The following C1orf21 variants were observed in gnomAD, a reference collection of about 807,000 sequenced individuals.
C1orf21 encodes chromosome 1 open reading frame 21, also known as uncharacterized protein C1orf21.
A neutral mutation model predicts 18.7 loss-of-function variants in C1orf21; 3 were observed. The ratio of observed to expected loss-of-function variants is 0.16; its 90% CI spans 0.07 to 0.42. The LOEUF (loss-of-function observed/expected upper bound fraction) is 0.42, where lower values mean the gene tolerates loss of function less well. C1orf21 is among the 10% of genes least tolerant of loss of function. The pLI is 0.99. For missense variants in C1orf21, 104 were observed against 143.6 expected, an observed-to-expected ratio of 0.72 and a Z score of 1.41; for synonymous variants, 41 against 46.4, an observed-to-expected ratio of 0.88 and a Z score of 0.47.
chr1:184,559,833 G>T (rs1337368775), intron 3 of C1orf21, among the ~76,000 whole-genome samples: 2 of 151,954 alleles, frequency 1.3e-5, no homozygotes, highest in Admixed American at 1.3e-4. Context: ...GCCCAGGCTG[G>T]TCTCTAACTC....
At chr1:184,431,357 A>C (rs960845045) in intron 1 of C1orf21, among the ~76,000 whole-genome samples, 1 of 152,222 alleles carries the variant, frequency 6.6e-6, no homozygotes, top group Admixed American at 6.5e-5. Flanking sequence ...TGATAAAAAC[A>C]GGCAATGAGG....
At chr1:184,477,051 A>G (rs964650985) in intron 1 of C1orf21, among the ~76,000 whole-genome samples, 3 of 152,186 alleles carry the variant, frequency 2.0e-5, no homozygotes, top group Non-Finnish European at 4.4e-5. Flanking sequence ...TCAGAACATT[A>G]GTAAACTTAC....
chr1:184,410,635 A>T lies in C1orf21; in HGVS notation c.-125+23267A>T, dbSNP rs1334998972. ...ATATATATTATATATATATATATAT[A>T]TATATATATATATATATATATATAT... On this transcript the variant is annotated intron_variant, in intron 1 of 5. Coordinates refer to ENST00000235307, the MANE Select transcript of C1orf21 (RefSeq NM_030806.4). Among the ~76,000 whole-genome samples the T allele has an allele frequency of 6.1e-4, 2 of 3,296 alleles. 1 individual carries two copies. Among genetic ancestry groups the T allele is most frequent in the African/African-American group, 0.017 (2 of 120 alleles). 2.2% of individuals were successfully genotyped at this position (3,296 alleles called of 152,430 possible). A position where few individuals can be genotyped will look rare whatever the true frequency, so the allele number is the denominator to read the frequency against.
At chr1:184,600,390 C>A (rs1383535735) in intron 5 of C1orf21, among the ~76,000 whole-genome samples, 1 of 152,194 alleles carries the variant, frequency 6.6e-6, no homozygotes, top group African/African-American at 2.4e-5. Context: ...TGGTCTCGAA[C>A]TCCTGACATC....
At chr1:184,496,113 G>C (rs1657890375) in intron 2 of C1orf21, among the ~76,000 whole-genome samples, 1 of 151,960 alleles carries the variant, frequency 6.6e-6, no homozygotes, top group African/African-American at 2.4e-5. Flanking sequence ...GTAGAAAAGG[G>C]GGCAGGTAAC....
At chr1:184,583,942 G>A (rs1047137341) in intron 3 of C1orf21, among the ~76,000 whole-genome samples, 16 of 152,056 alleles carry the variant, frequency 1.1e-4, no homozygotes, top group Non-Finnish European at 1.9e-4. Flanking sequence ...TAGTTGCTTC[G>A]TCTGTCATCT....
intron 3 of C1orf21, among the ~76,000 whole-genome samples, chr1:184,575,699 A>T (rs991743123): frequency 6.6e-6 from 1 of 151,932 alleles, no homozygotes; most frequent in Non-Finnish European, 1.5e-5. Flanking sequence ...GTATACTAAT[A>T]GAAAAAAAAT....
chr1:184,403,342 A>G (rs748428042), intron 1 of C1orf21, among the ~76,000 whole-genome samples: 7 of 152,256 alleles, frequency 4.6e-5, no homozygotes, highest in Non-Finnish European at 8.8e-5. Flanking sequence ...GAAGACTAAT[A>G]CAATATGATT....
At chr1:184,478,597 C>T (rs1657607902) in intron 2 of C1orf21, among the ~76,000 whole-genome samples, 1 of 152,310 alleles carries the variant, frequency 6.6e-6, no homozygotes, top group East Asian at 1.9e-4. Flanking sequence ...GAACTGCTAA[C>T]GCTTCCCCGG....
chr1:184,603,007 C>G (rs1659604965), intron 5 of C1orf21, among the ~76,000 whole-genome samples: 1 of 152,150 alleles, frequency 6.6e-6, no homozygotes, highest in Non-Finnish European at 1.5e-5. Context: ...TTTTTGGAGT[C>G]TTACAAAAGT....
chr1:184,563,748 C>G (rs1030831632), intron 3 of C1orf21, among the ~76,000 whole-genome samples: 1 of 152,076 alleles, frequency 6.6e-6, no homozygotes, highest in Non-Finnish European at 1.5e-5. Context: ...TTGGCTGGTT[C>G]GAGGAGATTT....
intron 4 of C1orf21, among the ~76,000 whole-genome samples, chr1:184,592,581 A>G (rs913007601): frequency 2.0e-5 from 3 of 152,168 alleles, no homozygotes; most frequent in Non-Finnish European, 4.4e-5. Flanking sequence ...AATGGAGACA[A>G]ATTTCCTGAG....
chr1:184,410,780 T>C (rs1399293212), intron 1 of C1orf21, among the ~76,000 whole-genome samples: 3 of 123,172 alleles, frequency 2.4e-5, no homozygotes, highest in African/African-American at 1.3e-4. Flanking sequence ...TTCTCCTGCC[T>C]CAGCCTCCCT....
At chr1:184,403,480 G>T (rs974665662) in intron 1 of C1orf21, among the ~76,000 whole-genome samples, 1 of 152,176 alleles carries the variant, frequency 6.6e-6, no homozygotes, top group Non-Finnish European at 1.5e-5. Context: ...ATTACTTCTG[G>T]GGTGAAGGGT....
chr1:184,499,634 A>G (rs181512559), intron 2 of C1orf21, among the ~76,000 whole-genome samples: 103 of 152,162 alleles, frequency 6.8e-4, no homozygotes, highest in Admixed American at 5.8e-3. Flanking sequence ...TTCCTACATC[A>G]TCTCCTGAAA....
chr1:184,562,287 A>G (rs1202062744), intron 3 of C1orf21, among the ~76,000 whole-genome samples: 3 of 152,218 alleles, frequency 2.0e-5, no homozygotes, highest in Non-Finnish European at 4.4e-5. Flanking sequence ...AGTAATTTTC[A>G]AAGAGTAAAT....
chr1:184,414,785 A>G (rs1335649775), intron 1 of C1orf21, among the ~76,000 whole-genome samples: 2 of 152,082 alleles, frequency 1.3e-5, no homozygotes, highest in African/African-American at 2.4e-5. Flanking sequence ...TTGGAAAACC[A>G]TTTGTTGAGT....
intron 3 of C1orf21, among the ~76,000 whole-genome samples, chr1:184,545,699 G>A (rs1329309354): frequency 6.6e-6 from 1 of 152,186 alleles, no homozygotes; most frequent in East Asian, 1.9e-4. Flanking sequence ...TTCTGCCTCA[G>A]TGTCTTCAGC....
At chr1:184,589,696 T>C (rs1409431362) in intron 3 of C1orf21, among the ~76,000 whole-genome samples, 2 of 152,246 alleles carry the variant, frequency 1.3e-5, no homozygotes, top group Non-Finnish European at 2.9e-5. Context: ...TTTGGAGTAC[T>C]GATGATAGGC....
Sources: allele counts gnomAD v4.1 joint callset (sites outside exome capture counted in the v4.1 genomes callset), GRCh38; gene constraint gnomAD v4.1.1; transcripts MANE v1.5; gene names NCBI Gene and HGNC (gene_info 2026-07-23, HGNC 2026-07-21).